Variants in ESS2 observed in about 807,000 individuals in gnomAD.
ESS2 encodes the protein ess-2 spliceosome associated protein, also known as splicing factor ESS-2 homolog.
ESS2 carries 31 observed loss-of-function variants against 52.0 expected under a neutral mutation model. The ratio of observed to expected loss-of-function variants is 0.60; its 90% CI spans 0.45 to 0.81. The LOEUF (loss-of-function observed/expected upper bound fraction) is 0.81, where lower values mean the gene tolerates loss of function less well. Among genes scored for constraint, ESS2 ranks in the 30% least tolerant of loss-of-function variants. ESS2 has a pLI of 0.00. For synonymous variants in ESS2, 285 were observed against 259.2 expected, an observed-to-expected ratio of 1.10 and a Z score of -0.95; for missense variants, 602 against 637.2, an observed-to-expected ratio of 0.94 and a Z score of 0.59.
chr22:19,137,479 C>A (rs779470660), intron 7 of ESS2, 47 bp from the exon 8 acceptor site: 3 of 1,382,428 alleles, frequency 2.2e-6, no homozygotes, highest in South Asian at 2.5e-5. Flanking sequence ...GGACTCCCCA[C>A]CACCCTCCCC....
chr22:19,136,032 A>T (rs912388337), intron 8 of ESS2, among the ~76,000 whole-genome samples: 4 of 58,756 alleles, frequency 6.8e-5, no homozygotes, highest in Admixed American at 2.0e-4. Context: ...CCTATCTGTT[A>T]AAAAAAAAAA....
At chr22:19,139,421 C>T (rs2083643982) in intron 5 of ESS2, 129 bp from the exon 6 acceptor site, 3 of 1,387,338 alleles carry the variant, frequency 2.2e-6, no homozygotes, top group African/African-American at 1.4e-5. Context: ...GGCCCCAGTG[C>T]CGCTGGAGAG....
In ESS2 at chr22:19,134,404, T is replaced by G. The variant is rs750843358; in HGVS notation, c.1223A>C (p.Lys408Thr). 1 of 1,609,352 alleles carries G rather than the reference T, an allele frequency of 6.2e-7. No homozygotes were observed. Among genetic ancestry groups the G allele is most frequent in the Admixed American group, 1.7e-5 (1 of 59,516 alleles). ...LQRLVSRTAS[K>T]YTDRALRASY... ...GGCCCGCAGGGCCCGGTCTGTGTAC[T>G]TGCTGGCCGTCCTGCTCACAAGGCG... Residue 408 changes from lysine (K) to threonine (T), a missense_variant, in exon 10 of 10, where the codon AAG (lysine) becomes ACG (threonine). Physicochemically the swap from Lys to Thr is moderately conservative, Grantham distance 78 (BLOSUM62 -1). Coordinates refer to ENST00000252137, the MANE Select transcript of ESS2 (RefSeq NM_022719.3).
intron 5 of ESS2, 80 bp from the exon 6 acceptor site, chr22:19,139,372 A>G: frequency 6.7e-7 from 1 of 1,492,248 alleles, no homozygotes; most frequent in South Asian, 1.3e-5. Context: ...TTCTCGGCCA[A>G]GTCACTCCCA....
At position 19,132,018 on chromosome 22, in the gene ESS2, T is replaced by C. The variant is rs762938347; in HGVS notation, c.*2178A>G. 27 of 1,614,040 alleles carry C rather than the reference T, an allele frequency of 1.7e-5. No individual in the cohort carries two copies. The highest frequency in any genetic ancestry group is 2.0e-5 in the Non-Finnish European group (24 of 1,179,964). Reference sequence around the variant, plus strand: ...CATCTGGAGCCTGGGCGTGATCCTGTACATCATGGTCTGCGGCTCCATGCC... The same window carrying C: ...CATCTGGAGCCTGGGCGTGATCCTGCACATCATGGTCTGCGGCTCCATGCC... On this transcript the variant is annotated 3_prime_UTR_variant, in exon 10 of 10. Transcript: ENST00000252137. This position sits in a 1 kb window ranked among gnomAD's most constrained non-coding sequence, Gnocchi z 4.2.
Position 19,132,511 on chromosome 22 carries a change from G to C in ESS2, c.*1685C>G. On this transcript the variant is annotated 3_prime_UTR_variant, in exon 10 of 10. Transcript: ENST00000252137. This position sits in a 1 kb window ranked among gnomAD's most constrained non-coding sequence, Gnocchi z 4.2. ...GGCCCCGTTGTGTGTGGTGGGGGTC[G>C]GGGTTGGGGGGCATGGTGCAGTCGG... The C allele has an allele frequency of 6.4e-7, 1 of 1,560,776 alleles. No homozygotes were observed. Among genetic ancestry groups the C allele is most frequent in the Non-Finnish European group, 8.7e-7 (1 of 1,149,326 alleles).
chr22:19,144,096 T>TGTG (rs2083742637), intron 1 of ESS2: 1 of 1,010,392 alleles, frequency 9.9e-7, no homozygotes, highest in Non-Finnish European at 1.2e-6. Context: ...TCTGTGTGCG[T>TGTG]GTGGTGGGGC....
At chr22:19,140,113 C>T in intron 3 of ESS2, 89 bp from the exon 4 acceptor site, 1 of 1,484,314 alleles carries the variant, frequency 6.7e-7, no homozygotes, top group Admixed American at 1.7e-5. Flanking sequence ...TAGCCCCCAA[C>T]ATGCAGGGCT....
chr22:19,137,293 GCA>G (rs2083599719), intron 8 of ESS2, 28 bp downstream of exon 8: 2 of 1,541,232 alleles, frequency 1.3e-6, no homozygotes, highest in African/African-American at 1.4e-5. Context: ...CACCCCGGTC[GCA>G]CACAGTTCCC....
chr22:19,139,723 T>C lies in ESS2; in HGVS notation c.577A>G (p.Lys193Glu). Residue 193 changes from lysine to glutamate, a missense_variant, in exon 5 of 10, where the codon AAA (lysine) becomes GAA (glutamate). Physicochemically the swap from Lys to Glu is moderately conservative, Grantham distance 56. Transcript: ENST00000252137. ...QAEEEFEKRQ[K>E]DNLELPSAEH... ...GCTGACGGGAGTTCGAGATTATCTT[T>C]CTGCCTCTGCAATCACATGGGGAAA... 1 of 1,614,200 alleles carries C rather than the reference T, an allele frequency of 6.2e-7. No individual in the cohort carries two copies. Among genetic ancestry groups the C allele is most frequent in the Non-Finnish European group, 8.5e-7 (1 of 1,180,032 alleles).
chr22:19,144,624 G>A lies in ESS2; in HGVS notation c.17C>T (p.Ala6Val), dbSNP rs756509847. The A allele has an allele frequency of 2.6e-5, 40 of 1,535,972 alleles. No homozygotes were observed. The highest frequency in any genetic ancestry group is 1.2e-4 in the East Asian group (5 of 40,584). METPG[A>V]SASSLLLPAA... The stretch of plus-strand genomic sequence containing the variant: ...GGGAAGCAACAAGGACGACGCTGAT[G>A]CGCCCGGCGTCTCCATCGCTATCCC... The change falls in exon 1 of 10, where the codon GCA (alanine) becomes GTA (valine). Residue 6 changes from alanine to valine, a missense_variant. Physicochemically the swap from Ala to Val is moderately conservative, Grantham distance 64 (BLOSUM62 0). Transcript: ENST00000252137.
chr22:19,143,834 T>G (rs943172832), intron 1 of ESS2, among the ~76,000 whole-genome samples: 2 of 152,216 alleles, frequency 1.3e-5, no homozygotes, highest in Non-Finnish European at 2.9e-5. Context: ...CACTCCAGCC[T>G]GGACGACGAG....
Position 19,139,182 on chromosome 22 carries a change from G to C in ESS2, c.799C>G (p.Gln267Glu), listed in dbSNP as rs1569109602. 1 of 1,602,482 alleles carries C rather than the reference G, an allele frequency of 6.2e-7. No individual in the cohort carries two copies. Among genetic ancestry groups the C allele is most frequent in the Non-Finnish European group, 8.5e-7 (1 of 1,174,210 alleles). Residue 267 changes from glutamine to glutamate, a missense_variant, in exon 6 of 10, where the codon CAG (glutamine) becomes GAG (glutamate). Transcript: ENST00000252137. ...SQALSRCQLQ[Q>E]AAALNAQHKQ... ...ACCTGGGCATTGAGGGCGGCTGCCT[G>C]CTGGAGCTGGCACCTGCTCAGGGCT...
intron 6 of ESS2, among the ~76,000 whole-genome samples, chr22:19,138,954 G>C (rs2083634008): frequency 6.6e-6 from 1 of 152,210 alleles, no homozygotes. Flanking sequence ...GCACAGATCT[G>C]GACCTACAGA....
chr22:19,138,174 T>C, intron 7 of ESS2, 41 bp downstream of exon 7: 1 of 1,610,168 alleles, frequency 6.2e-7, no homozygotes, highest in Middle Eastern at 1.7e-4. Flanking sequence ...CCCCAGGGAG[T>C]CCCAGCAGTA....
intron 9 of ESS2, 76 bp downstream of exon 9, chr22:19,134,984 A>G (rs2083556659): frequency 2.1e-6 from 3 of 1,411,854 alleles, no homozygotes; most frequent in Admixed American, 3.5e-5. Context: ...ATGCCTCCAC[A>G]CGGTCAGGGC....
At position 19,133,695 on chromosome 22, in the gene ESS2, C is replaced by T. The variant is rs1232875359; in HGVS notation, c.*501G>A. ...GGTACAACTTCCAAGGGCTCCGTTT[C>T]TCCTTCATATCCCCCCAGAGAAGCA... On this transcript the variant is annotated 3_prime_UTR_variant, in exon 10 of 10. Coordinates refer to ENST00000252137, the MANE Select transcript of ESS2 (RefSeq NM_022719.3). 2 of 153,302 alleles carry T rather than the reference C, an allele frequency of 1.3e-5. No homozygotes were observed. Among genetic ancestry groups the T allele is most frequent in the African/African-American group, 4.8e-5 (2 of 41,462 alleles). The allele number at this position is 153,302 out of a possible 1,614,324, so 9.5% of individuals were successfully genotyped here.
intron 3 of ESS2, 28 bp downstream of exon 3, chr22:19,142,510 G>C (rs2083704457): frequency 1.3e-6 from 2 of 1,568,368 alleles, no homozygotes; most frequent in Admixed American, 3.8e-5. Flanking sequence ...TCCTGACCAT[G>C]TGACTTAAAG....
chr22:19,130,620 G>C lies in ESS2; in HGVS notation c.*3576C>G. 1 of 363,484 alleles carries C rather than the reference G, an allele frequency of 2.8e-6. No individual in the cohort carries two copies. The highest frequency in any genetic ancestry group is 5.3e-6 in the Non-Finnish European group (1 of 190,300). The allele number at this position is 363,484 out of a possible 1,614,324, so 22.5% of individuals were successfully genotyped here. On this transcript the variant is annotated 3_prime_UTR_variant, in exon 10 of 10. Coordinates refer to ENST00000252137, the MANE Select transcript of ESS2 (RefSeq NM_022719.3). ...ATCCAATTGATCTATTCAAACAGCTGCCTGTTCCCTTAACTTGTCTTCAGA... is the reference window on the plus strand; with the variant it reads ...ATCCAATTGATCTATTCAAACAGCTCCCTGTTCCCTTAACTTGTCTTCAGA...
Sources: allele counts gnomAD v4.1 joint callset (sites outside exome capture counted in the v4.1 genomes callset), GRCh38; gene constraint gnomAD v4.1.1; non-coding constraint Gnocchi (gnomAD v3.1); transcripts MANE v1.5; gene names NCBI Gene and HGNC (gene_info 2026-07-23, HGNC 2026-07-21).